KMT2D: variants seen among roughly 807,000 people sequenced by gnomAD.
The protein encoded by KMT2D is histone-lysine N-methyltransferase 2D.
Under a neutral mutation model 512.7 loss-of-function variants are expected in KMT2D, and 55 were observed. That is an observed-to-expected ratio of 0.11 (90% confidence interval 0.09 to 0.13). KMT2D has a LOEUF of 0.13. KMT2D is among the 10% of genes least tolerant of loss of function. The pLI is 1.00. For synonymous variants in KMT2D, 2,995 were observed against 2,904.0 expected, an observed-to-expected ratio of 1.03 and a Z score of -1.01; for missense variants, 6,061 against 7,127.9, an observed-to-expected ratio of 0.85 and a Z score of 5.39.
chr12:49,032,104 G>A lies in KMT2D; in HGVS notation c.12601C>T (p.Leu4201Phe). 1 of 1,613,868 alleles carries A rather than the reference G, an allele frequency of 6.2e-7. No homozygotes were observed. Among genetic ancestry groups the A allele is most frequent in the Non-Finnish European group, 8.5e-7 (1 of 1,179,848 alleles). The change falls in exon 40 of 55, where the codon CTC becomes TTC. Residue 4201 changes from leucine to phenylalanine, a missense_variant. By Grantham distance (22) the Leu-to-Phe change is conservative. Coordinates refer to ENST00000301067, the MANE Select transcript of KMT2D (RefSeq NM_003482.4). ...MPTVGQLRAQ[L>F]QGVLAKNPQL... is the part of the protein sequence containing the mutation. Reference sequence around the variant, plus strand: ...GGGTTTTTGGCCAGGACTCCTTGGAGCTGTGCTCGAAGCTGACCCACCGTA... The same window carrying A: ...GGGTTTTTGGCCAGGACTCCTTGGAACTGTGCTCGAAGCTGACCCACCGTA...
chr12:49,043,255 G>A (rs1943622189), intron 25 of KMT2D, 69 bp from the exon 26 acceptor site: 1 of 1,544,936 alleles, frequency 6.5e-7, no homozygotes, highest in Non-Finnish European at 8.9e-7. Context: ...ACCACAGAGG[G>A]CCATGGGACA....
At position 49,032,007 on chromosome 12, in the gene KMT2D, T is replaced by C. The variant is rs1171130555; in HGVS notation, c.12698A>G (p.Gln4233Arg). Residue 4233 changes from glutamine (Q) to arginine (R), a missense_variant, in exon 40 of 55, where the codon CAG (glutamine) becomes CGG (arginine). By Grantham distance (43) the Gln-to-Arg change is conservative (BLOSUM62 1). Coordinates refer to ENST00000301067, the MANE Select transcript of KMT2D (RefSeq NM_003482.4). ...TGGGGTCTGGCGTACTGCCTGACTC[T>C]GCTGCAGCTGCCGCTGCATGAGGAG... ...QALLMQRQLQ[Q>R]SQAVRQTPPY... The C allele has an allele frequency of 1.2e-6, 2 of 1,606,116 alleles. No individual in the cohort carries two copies. Among genetic ancestry groups the C allele is most frequent in the South Asian group, 2.2e-5 (2 of 90,152 alleles).
At chr12:49,047,256 CAGTGACTCT>C (rs1018057573) in intron 15 of KMT2D, among the ~76,000 whole-genome samples, 3 of 152,122 alleles carry the variant, frequency 2.0e-5, no homozygotes, top group African/African-American at 7.2e-5. Context: ...GTCCCCAAAA[CAGTGACTCT>C]AAACTTAGGC....
Position 49,053,529 on chromosome 12 carries a change from G to C in KMT2D, c.786C>G (p.Ala262=). The change falls in exon 7 of 55, where the codon GCC becomes GCG. Residue 262 remains alanine (A), a synonymous_variant. Transcript: ENST00000301067. Reference sequence around the variant, plus strand: ...GGCACTGCCAGCCAGCACGTTTGCGGGCAGTCAGAGCAGTGTCCAGGCAGG... The same window carrying C: ...GGCACTGCCAGCCAGCACGTTTGCGCGCAGTCAGAGCAGTGTCCAGGCAGG... ...HGACLDTALT[A]RKRAGWQCPE... is the part of the protein sequence containing the mutation. The C allele has an allele frequency of 6.2e-7, 1 of 1,604,768 alleles. No individual in the cohort carries two copies. The highest frequency in any genetic ancestry group is 2.3e-5 in the East Asian group (1 of 44,402).
rs546682701 is a variant in KMT2D at position 49,019,192 on chromosome 12, T to G, written c.*2588A>C. On this transcript the variant is annotated 3_prime_UTR_variant, in exon 55 of 55. Coordinates refer to ENST00000301067, the MANE Select transcript of KMT2D (RefSeq NM_003482.4). ...ATCCGTTGTTACGAAGGACCAACCTTGCTGTACAGGATACACACAACACAA... is the reference window on the plus strand; with the variant it reads ...ATCCGTTGTTACGAAGGACCAACCTGGCTGTACAGGATACACACAACACAA... 148 of 1,081,630 alleles carry G rather than the reference T, an allele frequency of 1.4e-4. No individual in the cohort carries two copies. Among genetic ancestry groups the G allele is most frequent in the Non-Finnish European group, 1.6e-4 (142 of 876,378 alleles). 67.0% of individuals were successfully genotyped at this position (1,081,630 alleles called of 1,614,324 possible).
chr12:49,039,200 A>C lies in KMT2D; in HGVS notation c.8366+22T>G, dbSNP rs1328590726. ...AATCCATCCCCCTTGGTTTACCCCC[A>C]GGGAACCTCCTGGAGCCTCACCGGC... On this transcript the variant is annotated intron_variant, in intron 34 of 54. Transcript: ENST00000301067. This position sits in a 1 kb window ranked among gnomAD's most constrained non-coding sequence, Gnocchi z 5.0. 5.6e-6 allele frequency: 9 copies of C among 1,612,648 alleles called. No homozygotes were observed. The highest frequency in any genetic ancestry group is 7.6e-6 in the Non-Finnish European group (9 of 1,179,414).
intron 1 of KMT2D, among the ~76,000 whole-genome samples, chr12:49,057,821 A>T (rs112240315): frequency 6.6e-6 from 1 of 152,200 alleles, no homozygotes. Context: ...GTAGTGTCTC[A>T]CCAGGCTTTC....
In KMT2D at chr12:49,038,642, C is replaced by T. The variant is rs749240829; in HGVS notation, c.8714G>A (p.Arg2905His). 4.3e-6 allele frequency: 7 copies of T among 1,613,104 alleles called. No individual in the cohort carries two copies. In the East Asian group the frequency reaches 6.7e-5, roughly 15 times the overall value. The change falls in exon 35 of 55, where the codon CGT becomes CAT. Residue 2905 changes from arginine (R) to histidine (H), a missense_variant. Transcript: ENST00000301067. The surrounding 1 kb of genome is among the most constrained non-coding windows in gnomAD (Gnocchi z 5.7). ...GGGGTCCTCACTTACAGGGTAAAAACGGGGTCTCTGAGGTGGGCCCTGACC... is the reference window on the plus strand; with the variant it reads ...GGGGTCCTCACTTACAGGGTAAAAATGGGGTCTCTGAGGTGGGCCCTGACC... ...FPGQGPPQRP[R>H]FYPVSEDPHR...
In KMT2D at chr12:49,033,467, GTGCTGCTGCTGCTGTTGCTGC is replaced by G. The variant is rs1565778850; in HGVS notation, c.11217_11237del (p.Gln3739_Gln3745del). The G allele has an allele frequency of 4.4e-6, 7 of 1,606,386 alleles. No individual in the cohort carries two copies. Among genetic ancestry groups the G allele is most frequent in the Non-Finnish European group, 5.1e-6 (6 of 1,176,638 alleles). On this transcript the variant is annotated inframe_deletion, in exon 40 of 55. Coordinates refer to ENST00000301067, the MANE Select transcript of KMT2D (RefSeq NM_003482.4). ...GCTGGATTGCCACCTGTCCTAGAAG[GTGCTGCTGCTGCTGTTGCTGC>G]TGCTGCTGCTGCTGCAGTTTCTGGG...
At position 49,040,740 on chromosome 12, in the gene KMT2D, C is replaced by G. The variant is rs1343563508; in HGVS notation, c.7030G>C (p.Gly2344Arg). 1 of 1,613,454 alleles carries G rather than the reference C, an allele frequency of 6.2e-7. No individual in the cohort carries two copies. Among genetic ancestry groups the G allele is most frequent in the Non-Finnish European group, 8.5e-7 (1 of 1,179,690 alleles). Residue 2344 changes from glycine to arginine, a missense_variant, in exon 32 of 55, where the codon GGC (glycine) becomes CGC (arginine). Transcript: ENST00000301067. ...RASQVEPQSPGLGLRPQEPPP... is the reference protein window; with the variant it reads ...RASQVEPQSPRLGLRPQEPPP... ...GGCTCCTGGGGCCTTAGGCCCAAGC[C>G]CGGGCTCTGGGGCTCTACCTGAGAT...
intron 42 of KMT2D, 39 bp downstream of exon 42, chr12:49,030,562 A>T (rs1942849551): frequency 3.3e-6 from 5 of 1,531,568 alleles, no homozygotes; most frequent in Non-Finnish European, 4.4e-6. Flanking sequence ...CCTTCCCAAG[A>T]ACTTCACTAT....
At position 49,038,434 on chromosome 12, in the gene KMT2D, G is replaced by A. The variant is rs1158325871; in HGVS notation, c.8922C>T (p.Gly2974=). The change falls in exon 35 of 55, where the codon GGC becomes GGT. Residue 2974 remains glycine, a synonymous_variant. Transcript: ENST00000301067. This position sits in a 1 kb window ranked among gnomAD's most constrained non-coding sequence, Gnocchi z 5.7. ...CTTCCAGGGCCAGAGGATTGGGGCG[G>A]CCAAGCTCAGTGCTCGACGGGGGCC... ...VNRPPSSTEL[G]RPNPLALEAG... 1.2e-6 allele frequency: 2 copies of A among 1,612,574 alleles called. No homozygotes were observed. The highest frequency in any genetic ancestry group is 1.1e-5 in the South Asian group (1 of 91,024).
At position 49,038,944 on chromosome 12, in the gene KMT2D, A is replaced by C. The variant is rs568690857; in HGVS notation, c.8412T>G (p.Tyr2804Ter). ...GCTGCTGTAAGGGCAGGGACCCAGG[A>C]TAGGGTGCTCGCTGATAGAAAGCTT... ...GSQAFYQRAP[Y>*]PGSLPLQQQQ... The change falls in exon 35 of 55, where the codon TAT becomes TAG. Residue 2804 changes from tyrosine (Y) to a stop codon, truncating the protein, a stop_gained. Transcript: ENST00000301067. LOFTEE classifies it high-confidence loss of function. The surrounding 1 kb of genome is among the most constrained non-coding windows in gnomAD (Gnocchi z 5.7). 1 of 1,551,748 alleles carries C rather than the reference A, an allele frequency of 6.4e-7. No homozygotes were observed. Among genetic ancestry groups the C allele is most frequent in the African/African-American group, 1.4e-5 (1 of 73,154 alleles).
rs1344551127 is a variant in KMT2D at position 49,024,106 on chromosome 12, A to G, written c.16052+472T>C. 6.7e-6 allele frequency: 3 copies of G among 448,570 alleles called. No individual in the cohort carries two copies. Among genetic ancestry groups the G allele is most frequent in the East Asian group, 7.1e-5 (1 of 14,144 alleles). The allele number at this position is 448,570 out of a possible 1,614,324, so 27.8% of individuals were successfully genotyped here. A position where few individuals can be genotyped will look rare whatever the true frequency, so the allele number is the denominator to read the frequency against. On this transcript the variant is annotated intron_variant, in intron 51 of 54. Coordinates refer to ENST00000301067, the MANE Select transcript of KMT2D (RefSeq NM_003482.4). The surrounding 1 kb of genome is among the most constrained non-coding windows in gnomAD (Gnocchi z 4.5). ...AGATAATGGATGTGAAAACGCTTTG[A>G]AAAAAAAAGTATAAAGTGCTATACA...
chr12:49,035,051 G>A, intron 35 of KMT2D, 116 bp from the exon 36 acceptor site: 1 of 1,293,346 alleles, frequency 7.7e-7, no homozygotes. Context: ...GGCACGGCAA[G>A]GCAGAAAGAC....
rs1186134343 is a variant in KMT2D at position 49,046,448 on chromosome 12, C to T, written c.4419-24G>A. 1 of 1,609,820 alleles carries T rather than the reference C, an allele frequency of 6.2e-7. No individual in the cohort carries two copies. The highest frequency in any genetic ancestry group is 2.2e-5 in the East Asian group (1 of 44,784). The stretch of plus-strand genomic sequence containing the variant: ...ACCTGATAGGAGCAGGAAAACAGAG[C>T]TTTAGCACCCAACCTACCCGAAGTA... On this transcript the variant is annotated intron_variant, in intron 16 of 54. Transcript: ENST00000301067. This position sits in a 1 kb window ranked among gnomAD's most constrained non-coding sequence, Gnocchi z 4.2.
At chr12:49,025,033 T>C (rs1942506030) in intron 49 of KMT2D, 87 bp from the exon 50 acceptor site, 5 of 1,453,442 alleles carry the variant, frequency 3.4e-6, no homozygotes, top group African/African-American at 1.4e-5. Context: ...ACTGCAGTTT[T>C]CTGAGGCCTT....
In KMT2D at chr12:49,048,033, C is replaced by T. The variant is rs2120620686; in HGVS notation, c.4168G>A (p.Ala1390Thr). ...GAACAGGCAAGGAGGTGGCCCTCTG[C>T]CCCCCGGCCAAAGCTGCCACATACC... ...CVVCGSFGRG[A>T]EGHLLACSQC... The change falls in exon 15 of 55, where the codon GCA (alanine) becomes ACA (threonine). Residue 1390 changes from alanine to threonine, a missense_variant. Physicochemically the swap from Ala to Thr is moderately conservative, Grantham distance 58. This residue lies in a region of KMT2D where 53 missense variants were observed against 148.3 expected (regional missense o/e 0.36). Coordinates refer to ENST00000301067, the MANE Select transcript of KMT2D (RefSeq NM_003482.4). 3 of 1,609,278 alleles carry T rather than the reference C, an allele frequency of 1.9e-6. No homozygotes were observed. Among genetic ancestry groups the T allele is most frequent in the Non-Finnish European group, 8.5e-7 (1 of 1,176,050 alleles).
At chr12:49,047,437 G>A (rs1485068786) in intron 15 of KMT2D, among the ~76,000 whole-genome samples, 4 of 128,278 alleles carry the variant, frequency 3.1e-5, no homozygotes, top group Non-Finnish European at 6.4e-5. Context: ...TTTTTGAGAC[G>A]GATCTCACTC....
Sources: allele counts gnomAD v4.1 joint callset (sites outside exome capture counted in the v4.1 genomes callset), GRCh38; gene constraint gnomAD v4.1.1; regional missense constraint gnomAD v4.1.1; non-coding constraint Gnocchi (gnomAD v3.1); transcripts MANE v1.5; gene names NCBI Gene and HGNC (gene_info 2026-07-23, HGNC 2026-07-21).